Variants in BICD2 observed in about 807,000 individuals in gnomAD.
The protein encoded by BICD2 is BICD cargo adaptor 2, also known as protein bicaudal D homolog 2.
In BICD2, 25 loss-of-function variants were observed where a neutral mutation model predicts 72.9. That is an observed-to-expected ratio of 0.34 (90% CI 0.25 to 0.48). The LOEUF is 0.48. BICD2 is among the 20% of genes least tolerant of loss of function. BICD2 has a pLI of 0.99. For missense variants in BICD2, 894 were observed against 1,175.2 expected, an observed-to-expected ratio of 0.76 and a Z score of 3.50; for synonymous variants, 501 against 516.1, an observed-to-expected ratio of 0.97 and a Z score of 0.40.
chr9:92,736,138 G>C (rs753804), intron 1 of BICD2, among the ~76,000 whole-genome samples: 28,551 of 152,140 alleles, frequency 0.19, 3,836 homozygotes, highest in East Asian at 0.72. Flanking sequence ...GTTGGCACAA[G>C]ATACAGGTCA....
intron 2 of BICD2, among the ~76,000 whole-genome samples, chr9:92,728,767 C>T (rs1021645602): frequency 1.3e-4 from 20 of 152,252 alleles, no homozygotes; most frequent in African/African-American, 4.6e-4. Context: ...TGGACTTGCT[C>T]ATGGGACTCG....
chr9:92,764,696 C>T lies in BICD2; in HGVS notation c.49G>A (p.Ala17Thr). The T allele has an allele frequency of 6.3e-7, 1 of 1,588,342 alleles. No individual in the cohort carries two copies. ...EEEYARLVME[A>T]QPEWLRAEVK... Reference sequence around the variant, plus strand: ...TCGGCGCGCAGCCACTCCGGCTGCGCCTCCATCACCAGCCGCGCGTACTCC... The same window carrying T: ...TCGGCGCGCAGCCACTCCGGCTGCGTCTCCATCACCAGCCGCGCGTACTCC... Residue 17 changes from alanine to threonine, a missense_variant, in exon 1 of 7, where the codon GCG becomes ACG. Physicochemically the swap from Ala to Thr is moderately conservative, Grantham distance 58. Around this residue, in one of 5 missense-constraint regions of BICD2, gnomAD observed 192 missense variants for 243.6 expected, o/e 0.79. Coordinates refer to ENST00000356884, the MANE Select transcript of BICD2 (RefSeq NM_001003800.2). This position sits in a 1 kb window ranked among gnomAD's most constrained non-coding sequence, Gnocchi z 5.5.
chr9:92,728,880 G>A, intron 2 of BICD2, 144 bp downstream of exon 2: 1 of 840,062 alleles, frequency 1.2e-6, no homozygotes, highest in Admixed American at 2.6e-5. Context: ...TGCAGTGGAG[G>A]ATGAGACCAG....
chr9:92,718,063 G>A, intron 5 of BICD2, 115 bp from the exon 6 acceptor site: 2 of 1,315,676 alleles, frequency 1.5e-6, no homozygotes, highest in Non-Finnish European at 2.1e-6. Context: ...TGGGAAGAAA[G>A]CTCCTGGGAG....
chr9:92,717,037 G>T (rs1853330410), intron 6 of BICD2, among the ~76,000 whole-genome samples: 1 of 152,222 alleles, frequency 6.6e-6, no homozygotes, highest in Non-Finnish European at 1.5e-5. Context: ...CCGAACTGTG[G>T]ACCCCAGCAG....
chr9:92,725,758 T>A (rs1251136710), intron 2 of BICD2, among the ~76,000 whole-genome samples: 5 of 152,258 alleles, frequency 3.3e-5, no homozygotes, highest in Admixed American at 6.5e-5. Flanking sequence ...GGGGGTCGGC[T>A]GCCCTCTCTC....
Position 92,718,718 on chromosome 9 carries a change from C to T in BICD2, c.1927G>A (p.Ala643Thr), listed in dbSNP as rs1230428645. The T allele has an allele frequency of 1.2e-6, 2 of 1,614,112 alleles. No homozygotes were observed. Among genetic ancestry groups the T allele is most frequent in the Admixed American group, 3.3e-5 (2 of 60,032 alleles). The change falls in exon 5 of 7, where the codon GCA becomes ACA. Residue 643 changes from alanine to threonine, a missense_variant. Ala to Thr is a moderately conservative substitution (Grantham distance 58). Around this residue, in one of 5 missense-constraint regions of BICD2, gnomAD observed 321 missense variants for 443.9 expected, o/e 0.72. Transcript: ENST00000356884. Reference protein sequence around the residue: ...IIRDQIKHLQAAVDRTTELSR... With the variant: ...IIRDQIKHLQTAVDRTTELSR... ...AGCTCCGTGGTGCGGTCCACGGCTGCCTGCAGGTGCTTGATCTGGTCACGG... is the reference window on the plus strand; with the variant it reads ...AGCTCCGTGGTGCGGTCCACGGCTGTCTGCAGGTGCTTGATCTGGTCACGG...
At chr9:92,722,583 A>G (rs904741841) in intron 3 of BICD2, 73 bp downstream of exon 3, 2 of 1,592,560 alleles carry the variant, frequency 1.3e-6, no homozygotes, top group Non-Finnish European at 1.7e-6. Context: ...CAACAGGGAG[A>G]GGGGCTGAGC....
In BICD2 at chr9:92,715,373, G is replaced by A. The variant is rs1853284534; in HGVS notation, c.2349C>T (p.Arg783=). ...DEKKTLNSLL[R]MAIQQKLALT... is the part of the protein sequence containing the mutation. The stretch of plus-strand genomic sequence containing the variant: ...GCGCCAGCTTCTGCTGGATGGCCAT[G>A]CGCAGCAGCGAGTTCAGCGTCTTCT... The change falls in exon 7 of 7, where the codon CGC becomes CGT. Residue 783 remains arginine, a synonymous_variant. Transcript: ENST00000356884. 1 of 1,612,442 alleles carries A rather than the reference G, an allele frequency of 6.2e-7. No individual in the cohort carries two copies. The highest frequency in any genetic ancestry group is 1.7e-5 in the Admixed American group (1 of 59,990).
intron 1 of BICD2, among the ~76,000 whole-genome samples, chr9:92,749,109 T>G (rs1296720553): frequency 6.6e-6 from 1 of 151,232 alleles, no homozygotes; most frequent in Non-Finnish European, 1.5e-5. Flanking sequence ...AGCAGGAGCC[T>G]GGGAAGGCTG....
chr9:92,746,029 A>G (rs1056488024), intron 1 of BICD2, among the ~76,000 whole-genome samples: 1 of 152,228 alleles, frequency 6.6e-6, no homozygotes, highest in Non-Finnish European at 1.5e-5. Flanking sequence ...CTAACAACTG[A>G]GATCTGGCTA....
chr9:92,715,025 C>T lies in BICD2; in HGVS notation c.*129G>A, dbSNP rs941695891. On this transcript the variant is annotated 3_prime_UTR_variant, in exon 7 of 7. Transcript: ENST00000356884. ...GTCCTGCTGATGCAACGCCCCATGG[C>T]GCCTCGGCTAGACTCCTACCCTCTG... 57 of 1,430,848 alleles carry T rather than the reference C, an allele frequency of 4.0e-5. No homozygotes were observed. In the African/African-American group the frequency reaches 4.6e-4, roughly 12 times the overall value. The allele number at this position is 1,430,848 out of a possible 1,614,324, so 88.6% of individuals were successfully genotyped here.
In BICD2 at chr9:92,764,002, C is replaced by T. The variant is rs1246920820; in HGVS notation, c.240+503G>A. On this transcript the variant is annotated intron_variant, in intron 1 of 6. Coordinates refer to ENST00000356884, the MANE Select transcript of BICD2 (RefSeq NM_001003800.2). This position sits in a 1 kb window ranked among gnomAD's most constrained non-coding sequence, Gnocchi z 5.5. ...GAGGCACTCATGAAAGAAGCAGAAA[C>T]GCTCCGAAAGTAGCTGCGCCCAGAG... Among the ~76,000 whole-genome samples, 3 of 152,208 alleles carry T rather than the reference C, an allele frequency of 2.0e-5. No homozygotes were observed. The highest frequency in any genetic ancestry group is 4.4e-5 in the Non-Finnish European group (3 of 68,028).
intron 2 of BICD2, among the ~76,000 whole-genome samples, chr9:92,723,017 C>T (rs1378132844): frequency 6.7e-6 from 1 of 148,374 alleles, no homozygotes; most frequent in Non-Finnish European, 1.5e-5. Flanking sequence ...GAGTAAATTC[C>T]CTCAGCCCTT....
rs1051133171 is a variant in BICD2 at position 92,720,241 on chromosome 9, G to C, written c.1062+59C>G. 4 of 1,495,126 alleles carry C rather than the reference G, an allele frequency of 2.7e-6. No homozygotes were observed. In the Admixed American group the frequency reaches 7.9e-5, roughly 30 times the overall value. 92.6% of individuals were successfully genotyped at this position (1,495,126 alleles called of 1,614,324 possible). A position where few individuals can be genotyped will look rare whatever the true frequency, so the allele number is the denominator to read the frequency against. ...GCAGAGTGTCAGGTAAGCACTGCTC[G>C]GGGAGCCCTGCAGACCTGGAGTGGG... On this transcript the variant is annotated intron_variant, in intron 4 of 6. Coordinates refer to ENST00000356884, the MANE Select transcript of BICD2 (RefSeq NM_001003800.2). This position sits in a 1 kb window ranked among gnomAD's most constrained non-coding sequence, Gnocchi z 5.4.
At chr9:92,729,277 G>C in intron 1 of BICD2, 41 bp from the exon 2 acceptor site, 1 of 1,605,356 alleles carries the variant, frequency 6.2e-7, no homozygotes, top group Non-Finnish European at 8.5e-7. Flanking sequence ...GGGCCTCCCA[G>C]GGGCGCCGAA....
At chr9:92,718,405 A>G in intron 5 of BICD2, 134 bp downstream of exon 5, 1 of 1,081,090 alleles carries the variant, frequency 9.2e-7, no homozygotes, top group African/African-American at 1.6e-5. Flanking sequence ...CAGTCGAGCT[A>G]CTATGGGGCT....
chr9:92,755,133 C>T (rs896471593), intron 1 of BICD2, among the ~76,000 whole-genome samples: 11 of 152,150 alleles, frequency 7.2e-5, no homozygotes, highest in African/African-American at 2.7e-4. Flanking sequence ...AACTGGCCCC[C>T]CTGGGGCATA....
At chr9:92,724,324 A>G (rs1853523018) in intron 2 of BICD2, among the ~76,000 whole-genome samples, 1 of 152,212 alleles carries the variant, frequency 6.6e-6, no homozygotes, top group South Asian at 2.1e-4. Context: ...ACACAAAACG[A>G]TCATACTGGC....
Sources: allele counts gnomAD v4.1 joint callset (sites outside exome capture counted in the v4.1 genomes callset), GRCh38; gene constraint gnomAD v4.1.1; regional missense constraint gnomAD v4.1.1; non-coding constraint Gnocchi (gnomAD v3.1); transcripts MANE v1.5; gene names NCBI Gene and HGNC (gene_info 2026-07-23, HGNC 2026-07-21).